RORA: variants seen among roughly 807,000 people sequenced by gnomAD.
RORA encodes the protein RAR related orphan receptor A, also known as nuclear receptor ROR-alpha.
Under a neutral mutation model 69.5 loss-of-function variants are expected in RORA, and 7 were observed. That is an observed-to-expected ratio of 0.10 (90% CI 0.06 to 0.19). RORA has a LOEUF of 0.19. Among genes scored for constraint, RORA ranks in the 10% least tolerant of loss-of-function variants. The pLI is 1.00. For synonymous variants in RORA, 261 were observed against 240.8 expected (o/e 1.08, Z -0.78); for missense variants, 457 against 663.0 (o/e 0.69, Z 3.41).
chr15:60,736,546 T>C (rs2071502334), intron 1 of RORA, among the ~76,000 whole-genome samples: 1 of 152,164 alleles, frequency 6.6e-6, no homozygotes, highest in Non-Finnish European at 1.5e-5. Flanking sequence ...TGATCTGATA[T>C]ATATTTTTTT....
At chr15:61,172,104 T>A (rs1456500386) in intron 1 of RORA, among the ~76,000 whole-genome samples, 1 of 152,036 alleles carries the variant, frequency 6.6e-6, no homozygotes, top group Non-Finnish European at 1.5e-5. Flanking sequence ...TGTAGACATC[T>A]GAATATATTT....
chr15:61,026,810 G>C (rs1248489157), intron 1 of RORA, among the ~76,000 whole-genome samples: 1 of 152,160 alleles, frequency 6.6e-6, no homozygotes, highest in Non-Finnish European at 1.5e-5. Context: ...CTAATCTTTT[G>C]TTCTGGGAGA....
chr15:60,869,886 G>A (rs960725698), intron 1 of RORA, among the ~76,000 whole-genome samples: 5 of 152,160 alleles, frequency 3.3e-5, no homozygotes, highest in African/African-American at 4.8e-5. Flanking sequence ...CCACACTTAT[G>A]TCCCAGAGGA....
intron 1 of RORA, among the ~76,000 whole-genome samples, chr15:61,210,171 C>A (rs1432364747): frequency 1.3e-5 from 2 of 152,158 alleles, no homozygotes; most frequent in African/African-American, 4.8e-5. Context: ...CAAGGAAGGG[C>A]AGAGCTTCAC....
intron 2 of RORA, among the ~76,000 whole-genome samples, chr15:60,574,841 T>C: frequency 6.6e-6 from 1 of 152,176 alleles, no homozygotes; most frequent in East Asian, 1.9e-4. Flanking sequence ...TTAAGCCTTA[T>C]ATTTGGAAAA....
intron 1 of RORA, among the ~76,000 whole-genome samples, chr15:61,028,931 G>A (rs1376019773): frequency 6.6e-6 from 1 of 152,166 alleles, no homozygotes; most frequent in East Asian, 1.9e-4. Flanking sequence ...TGGTGGTGGT[G>A]AGGGTGGTGG....
intron 6 of RORA, among the ~76,000 whole-genome samples, chr15:60,504,591 CAAATCCAAGCATCTCTGACTCTA>C (rs2065438928): frequency 6.6e-6 from 1 of 152,118 alleles, no homozygotes. Flanking sequence ...AGCCAGGATT[CAAATCCAAGCATCTCTGACTCTA>C]AAATCCTATT....
intron 2 of RORA, chr15:60,677,310 C>A (rs556085010): frequency 2.4e-6 from 1 of 425,344 alleles, no homozygotes; most frequent in African/African-American, 2.0e-5. Flanking sequence ...GCACCGACAA[C>A]AGCAAGAACA....
intron 1 of RORA, among the ~76,000 whole-genome samples, chr15:60,689,233 T>C (rs1047052926): frequency 2.0e-5 from 3 of 152,202 alleles, no homozygotes; most frequent in African/African-American, 7.2e-5. Context: ...AGTGGTCAGC[T>C]GTCAGTGAAT....
chr15:60,955,388 A>G (rs1297537248), intron 1 of RORA, among the ~76,000 whole-genome samples: 1 of 152,236 alleles, frequency 6.6e-6, no homozygotes, highest in Non-Finnish European at 1.5e-5. Context: ...ACTCATGAAC[A>G]TTAGGAAATA....
chr15:61,081,191 A>C (rs997537220), intron 1 of RORA, among the ~76,000 whole-genome samples: 3 of 152,286 alleles, frequency 2.0e-5, no homozygotes, highest in South Asian at 4.1e-4. Flanking sequence ...TGTTTTCTAA[A>C]GGCCTGAGGG....
At chr15:60,580,710 C>T (rs2068167937) in intron 2 of RORA, among the ~76,000 whole-genome samples, 1 of 152,186 alleles carries the variant, frequency 6.6e-6, no homozygotes. Context: ...CTGGGAGCTC[C>T]CCCTGAGGAT....
intron 1 of RORA, among the ~76,000 whole-genome samples, chr15:61,114,810 A>C (rs2079035829): frequency 6.6e-6 from 1 of 152,204 alleles, no homozygotes; most frequent in African/African-American, 2.4e-5. Context: ...ATATTTGCCC[A>C]CACAGACATG....
At chr15:61,212,696 C>T (rs2080004325) in intron 1 of RORA, among the ~76,000 whole-genome samples, 1 of 152,114 alleles carries the variant, frequency 6.6e-6, no homozygotes, top group Non-Finnish European at 1.5e-5. Flanking sequence ...CAGGCCCATT[C>T]TTACTTTTTT....
intron 1 of RORA, among the ~76,000 whole-genome samples, chr15:60,946,028 C>G (rs1409173246): frequency 6.6e-6 from 1 of 152,086 alleles, no homozygotes; most frequent in African/African-American, 2.4e-5. Flanking sequence ...GGGTTATATG[C>G]AGGAGAAACC....
chr15:61,222,007 C>T (rs2080101903), intron 1 of RORA, among the ~76,000 whole-genome samples: 1 of 151,720 alleles, frequency 6.6e-6, no homozygotes. Context: ...ATTAAAACAC[C>T]CAATAACATT....
intron 1 of RORA, among the ~76,000 whole-genome samples, chr15:60,821,353 G>T (rs1461288855): frequency 6.6e-6 from 1 of 152,148 alleles, no homozygotes; most frequent in Non-Finnish European, 1.5e-5. Context: ...CCTACGCTCT[G>T]CACTGGGTCC....
At chr15:60,660,239 T>A (rs1480923204) in intron 2 of RORA, among the ~76,000 whole-genome samples, 1 of 152,196 alleles carries the variant, frequency 6.6e-6, no homozygotes, top group Non-Finnish European at 1.5e-5. Context: ...GTCAGCTTCA[T>A]CGCAATATTA....
intron 1 of RORA, among the ~76,000 whole-genome samples, chr15:60,828,191 G>A (rs2072991751): frequency 6.6e-6 from 1 of 152,148 alleles, no homozygotes; most frequent in Non-Finnish European, 1.5e-5. Flanking sequence ...GGAGCAGGAG[G>A]GAGTGCTGCT....
Sources: gnomAD v4.1 joint callset for allele counts (sites outside exome capture counted in the v4.1 genomes callset) on GRCh38, gnomAD v4.1.1 for gene constraint, MANE v1.5 for transcripts, NCBI Gene and HGNC (gene_info 2026-07-23, HGNC 2026-07-21) for gene names.